The following HYOU1 variants were observed in gnomAD, a reference collection of about 807,000 sequenced individuals.
HYOU1 encodes the protein hypoxia up-regulated protein 1.
A neutral mutation model predicts 120.5 loss-of-function variants in HYOU1; 40 were observed. The ratio of observed to expected loss-of-function variants is 0.33; its 90% CI spans 0.26 to 0.43. The LOEUF (loss-of-function observed/expected upper bound fraction) is 0.43. HYOU1 is among the 20% of genes least tolerant of loss of function. The pLI, the probability that HYOU1 is intolerant of heterozygous loss-of-function variation, is 1.00. For missense variants in HYOU1, 1,085 were observed against 1,278.3 expected (o/e 0.85, Z 2.31); for synonymous variants, 501 against 479.4 (o/e 1.05, Z -0.59).
rs1465211603 is a variant in HYOU1, at chr11:119,049,784, A to C, written c.1719T>G (p.Thr573=). The change falls in exon 15 of 26, where the codon ACT becomes ACG. Residue 573 remains threonine (T), a synonymous_variant. Coordinates refer to ENST00000617285, the MANE Select transcript of HYOU1 (RefSeq NM_006389.5). Reference sequence around the variant, plus strand: ...CATGCATGCTCATCTTACTGGTGAGAGTAGATTCCTCTTCTGCGCTGTCCT... The same window carrying C: ...CATGCATGCTCATCTTACTGGTGAGCGTAGATTCCTCTTCTGCGCTGTCCT... The part of the protein sequence containing the change: ...LVEDSAEEES[T]LTKLGNTISS... The C allele has an allele frequency of 6.2e-7, 1 of 1,613,814 alleles. No individual in the cohort carries two copies. Among genetic ancestry groups the C allele is most frequent in the African/African-American group, 1.3e-5 (1 of 74,920 alleles).
rs2133572806 is a variant in HYOU1, at chr11:119,049,399, C to T, written c.1806+157G>A. ...CAATGAGGGGAATGGGCCTTGGGAG[C>T]ACCAGTCAAGAAACAGCTCAGAGCC... On this transcript the variant is annotated intron_variant, in intron 16 of 25. Coordinates refer to ENST00000617285, the MANE Select transcript of HYOU1 (RefSeq NM_006389.5). The T allele has an allele frequency of 3.7e-5, 58 of 1,567,100 alleles. No individual in the cohort carries two copies. In the African/African-American group the frequency reaches 4.9e-4, roughly 13 times the overall value.
Position 119,046,733 on chromosome 11 carries a change from T to C in HYOU1, c.2665A>G (p.Lys889Glu), listed in dbSNP as rs2133552908. Residue 889 changes from lysine to glutamate, a missense_variant, in exon 23 of 26, where the codon AAA (lysine) becomes GAA (glutamate). Lys to Glu is a moderately conservative substitution (Grantham distance 56, BLOSUM62 1). Coordinates refer to ENST00000617285, the MANE Select transcript of HYOU1 (RefSeq NM_006389.5). ...PATEKPVLLS[K>E]DIEAKMMALD... The stretch of plus-strand genomic sequence containing the variant: ...GCCATCATCTTAGCTTCAATGTCTT[T>C]TGAGAGCAACACAGGCTTCTCTGTG... 6.2e-7 allele frequency: 1 copy of C among 1,609,712 alleles called. No homozygotes were observed. Among genetic ancestry groups the C allele is most frequent in the Non-Finnish European group, 8.5e-7 (1 of 1,180,014 alleles).
Position 119,047,808 on chromosome 11 carries a change from G to A in HYOU1, c.2521C>T (p.Leu841Phe), listed in dbSNP as rs1944170624. 1 of 1,613,916 alleles carries A rather than the reference G, an allele frequency of 6.2e-7. No homozygotes were observed. The highest frequency in any genetic ancestry group is 8.5e-7 in the Non-Finnish European group (1 of 1,179,984). Residue 841 changes from leucine to phenylalanine, a missense_variant, in exon 22 of 26, where the codon CTC (leucine) becomes TTC (phenylalanine). By Grantham distance (22) the Leu-to-Phe change is conservative. Coordinates refer to ENST00000617285, the MANE Select transcript of HYOU1 (RefSeq NM_006389.5). ...AAGATCTGGTCCATCTCTGGGATGA[G>A]CCGGGCCCCCCTGGAAGCCAGAAAG... ...HSSMFLKGAR[L>F]IPEMDQIFTE...
chr11:119,049,957 C>T (rs1944325074), intron 14 of HYOU1, 120 bp from the exon 15 acceptor site: 1 of 892,996 alleles, frequency 1.1e-6, no homozygotes, highest in South Asian at 1.4e-5. Context: ...AGTCTCTCAC[C>T]TGCCTTTTCT....
chr11:119,053,797 A>T, intron 8 of HYOU1: 1 of 223,930 alleles, frequency 4.5e-6, no homozygotes, highest in Non-Finnish European at 8.8e-6. Context: ...AGGTAAGACA[A>T]CAAGAATGGT....
Position 119,056,075 on chromosome 11 carries a change from A to G in HYOU1, c.86T>C (p.Leu29Pro), listed in dbSNP as rs377520360. ...VAVLLADLLA[L>P]SDTLAVMSVD... ...CCCTCTACTGGGGTACATACCACTC[A>G]GTGCCAACAGGTCTGCCAAGAGCAC... The change falls in exon 2 of 26, where the codon CTG (leucine) becomes CCG (proline). Residue 29 changes from leucine to proline, a missense_variant. This residue lies in a region of HYOU1 where 45 missense variants were observed against 49.2 expected (regional missense o/e 0.91). Coordinates refer to ENST00000617285, the MANE Select transcript of HYOU1 (RefSeq NM_006389.5). The G allele has an allele frequency of 1.2e-6, 2 of 1,613,662 alleles. No individual in the cohort carries two copies. Among genetic ancestry groups the G allele is most frequent in the Non-Finnish European group, 1.7e-6 (2 of 1,179,604 alleles).
chr11:119,045,940 T>C (rs1944041104), intron 24 of HYOU1, 109 bp from the exon 25 acceptor site: 1 of 1,063,718 alleles, frequency 9.4e-7, no homozygotes, highest in Non-Finnish European at 1.4e-6. Flanking sequence ...TTAGGATGCA[T>C]GTACCACATT....
At position 119,055,399 on chromosome 11, in the gene HYOU1, C is replaced by T. The variant is rs1398236363; in HGVS notation, c.265-60G>A. ...CTCCCAAGTCCACCATTACCTACCT[C>T]TTACATCACAGAGACTGATAAGGAA... On this transcript the variant is annotated intron_variant, in intron 4 of 25. Transcript: ENST00000617285. This position sits in a 1 kb window ranked among gnomAD's most constrained non-coding sequence, Gnocchi z 4.0. 1.2e-5 allele frequency: 19 copies of T among 1,607,712 alleles called. No homozygotes were observed. The highest frequency in any genetic ancestry group is 1.5e-5 in the Non-Finnish European group (18 of 1,174,998).
Position 119,057,188 on chromosome 11 carries a change from A to G in HYOU1, c.-176T>C, listed in dbSNP as rs1457252783. ...CGTCTCGCGCACCAGCCGGCCCCGG[A>G]CGCGGCGCGCGCTCATTGGAGCCTC... On this transcript the variant is annotated 5_prime_UTR_variant, in exon 1 of 26. Transcript: ENST00000617285. The G allele has an allele frequency of 6.7e-6, 1 of 150,290 alleles. No individual in the cohort carries two copies. The highest frequency in any genetic ancestry group is 1.5e-5 in the Non-Finnish European group (1 of 67,498). The allele number at this position is 150,290 out of a possible 1,614,324, so 9.3% of individuals were successfully genotyped here.
In HYOU1 at chr11:119,055,204, C is replaced by T. The variant is rs1488000726; in HGVS notation, c.400G>A (p.Val134Met). Reference sequence around the variant, plus strand: ...ACTCACGAGCTGATCTGAAAGTGCACAGTCTGCCTCTGTGGGTCGAAAGTC... The same window carrying T: ...ACTCACGAGCTGATCTGAAAGTGCATAGTCTGCCTCTGTGGGTCGAAAGTC... The part of the protein sequence containing the change: ...ELTFDPQRQT[V>M]HFQISSQLQF... The change falls in exon 5 of 26, where the codon GTG (valine) becomes ATG (methionine). Residue 134 changes from valine to methionine, a missense_variant. This residue lies in a region of HYOU1 where 515 missense variants were observed against 677.8 expected (regional missense o/e 0.76). Transcript: ENST00000617285. This position sits in a 1 kb window ranked among gnomAD's most constrained non-coding sequence, Gnocchi z 4.0. The T allele has an allele frequency of 2.5e-6, 4 of 1,614,050 alleles. No homozygotes were observed. The South Asian group carries it at 4.4e-5, about 18-fold the overall frequency.
At position 119,049,544 on chromosome 11, in the gene HYOU1, T is replaced by C. The variant is rs1250831034; in HGVS notation, c.1806+12A>G. On this transcript the variant is annotated intron_variant, in intron 16 of 25. Transcript: ENST00000617285. The stretch of plus-strand genomic sequence containing the variant: ...CGTCCTCCATGCTTCCCTGGCTCCA[T>C]CCTGAACTCACCTGGACAGTATCAG... The C allele has an allele frequency of 1.2e-6, 2 of 1,613,812 alleles. No individual in the cohort carries two copies. The highest frequency in any genetic ancestry group is 1.1e-5 in the South Asian group (1 of 91,076).
chr11:119,054,905 G>A, intron 6 of HYOU1, 79 bp downstream of exon 6: 1 of 1,439,526 alleles, frequency 6.9e-7, no homozygotes. Flanking sequence ...TCCCTGGGAG[G>A]CAAACTTGCC....
rs2133579073 is a variant in HYOU1 at position 119,050,497 on chromosome 11, G to A, written c.1665+538C>T. On this transcript the variant is annotated intron_variant, in intron 14 of 25. Transcript: ENST00000617285. ...TTTGGGAGGTTGAGGCAGGATGATC[G>A]CTTGATCCCAGGAGTTAGAGACCAG... Among the ~76,000 whole-genome samples the A allele has an allele frequency of 4.3e-4, 57 of 132,670 alleles. 1 individual carries two copies. Among genetic ancestry groups the A allele is most frequent in the African/African-American group, 1.5e-3 (53 of 34,436 alleles). The allele number at this position is 132,670 out of a possible 152,430, so 87.0% of individuals were successfully genotyped here.
At chr11:119,053,943 TC>T in intron 8 of HYOU1, 177 bp downstream of exon 8, 4 of 542,218 alleles carry the variant, frequency 7.4e-6, no homozygotes, top group Non-Finnish European at 9.8e-6. Flanking sequence ...CAAACTGTCC[TC>T]CCCTGAGCCT....
At chr11:119,047,647 G>C in intron 22 of HYOU1, 87 bp downstream of exon 22, 1 of 1,089,674 alleles carries the variant, frequency 9.2e-7, no homozygotes, top group Non-Finnish European at 1.4e-6. Flanking sequence ...CAGGAGGCAG[G>C]GGCTGCTGTG....
At position 119,046,643 on chromosome 11, in the gene HYOU1, T is replaced by C. The variant is rs140010748; in HGVS notation, c.2755A>G (p.Lys919Glu). The change falls in exon 23 of 26, where the codon AAG becomes GAG. Residue 919 changes from lysine to glutamate, a missense_variant. Around this residue, in one of 4 missense-constraint regions of HYOU1, gnomAD observed 516 missense variants for 517.1 expected, o/e 1.00. Coordinates refer to ENST00000617285, the MANE Select transcript of HYOU1 (RefSeq NM_006389.5). ...TCTGCCCGGGTCCCATTCTTGTCCT[T>C]AGGCCGGGGCCGGGGCTTGGTAAAC... is the stretch of plus-strand genomic sequence containing the variant. ...AKFTKPRPRP[K>E]DKNGTRAEPP... 1.2e-3 allele frequency: 1,909 copies of C among 1,614,090 alleles called. 4 individuals are homozygous for C. The highest frequency in any genetic ancestry group is 1.5e-3 in the Non-Finnish European group (1,814 of 1,180,046).
chr11:119,054,847 C>T (rs2133608394), intron 6 of HYOU1, 137 bp downstream of exon 6: 7 of 1,061,712 alleles, frequency 6.6e-6, no homozygotes, highest in African/African-American at 3.1e-5. Flanking sequence ...AGCAGGTGCA[C>T]CCCTCAGATG....
rs1944463870 is a variant in HYOU1 at position 119,051,893 on chromosome 11, G to C, written c.1264C>G (p.Gln422Glu). The change falls in exon 12 of 26, where the codon CAG (glutamine) becomes GAG (glutamate). Residue 422 changes from glutamine to glutamate, a missense_variant. Coordinates refer to ENST00000617285, the MANE Select transcript of HYOU1 (RefSeq NM_006389.5). This position sits in a 1 kb window ranked among gnomAD's most constrained non-coding sequence, Gnocchi z 4.2. Reference sequence around the variant, plus strand: ...AAGGCTTTGCTGAGCGCAGCTGCCTGGTACACTGCCCCCATGGCGGCTGCT... The same window carrying C: ...AAGGCTTTGCTGAGCGCAGCTGCCTCGTACACTGCCCCCATGGCGGCTGCT... ...DEAAAMGAVY[Q>E]AAALSKAFKV... 6.2e-7 allele frequency: 1 copy of C among 1,614,158 alleles called. No individual in the cohort carries two copies. Among genetic ancestry groups the C allele is most frequent in the East Asian group, 2.2e-5 (1 of 44,878 alleles).
chr11:119,055,623 G>C lies in HYOU1; in HGVS notation c.186-52C>G. 1 of 1,541,554 alleles carries C rather than the reference G, an allele frequency of 6.5e-7. No homozygotes were observed. On this transcript the variant is annotated intron_variant, in intron 3 of 25. Transcript: ENST00000617285. The surrounding 1 kb of genome is among the most constrained non-coding windows in gnomAD (Gnocchi z 4.0). ...GTGCCTGCAGCAGAAGGACTCAGAA[G>C]CCTCGACACTCACACACATTTAACC... is the stretch of plus-strand genomic sequence containing the variant.
Sources: gnomAD v4.1 joint callset for allele counts (sites outside exome capture counted in the v4.1 genomes callset) on GRCh38, gnomAD v4.1.1 for gene constraint, gnomAD v4.1.1 regional missense constraint, Gnocchi (gnomAD v3.1) non-coding constraint, MANE v1.5 for transcripts, NCBI Gene and HGNC (gene_info 2026-07-23, HGNC 2026-07-21) for gene names.